KLHL2: variants seen among roughly 807,000 people sequenced by gnomAD.
KLHL2 encodes kelch-like protein 2.
Under a neutral mutation model 75.8 loss-of-function variants are expected in KLHL2, and 15 were observed. That is an observed-to-expected ratio of 0.20 (90% CI 0.13 to 0.30). KLHL2 has a LOEUF of 0.30. Among genes scored for constraint, KLHL2 ranks in the 10% least tolerant of loss-of-function variants. The probability of loss-of-function intolerance (pLI) is 1.00; values close to 1 mark genes in which losing one functional copy is unlikely to be tolerated. For missense variants in KLHL2, 381 were observed against 741.0 expected, an observed-to-expected ratio of 0.51 and a Z score of 5.64; for synonymous variants, 214 against 251.9, an observed-to-expected ratio of 0.85 and a Z score of 1.42.
chr4:165,274,870 T>C (rs2126367030), intron 5 of KLHL2, among the ~76,000 whole-genome samples: 1 of 152,186 alleles, frequency 6.6e-6, no homozygotes, highest in Non-Finnish European at 1.5e-5. Context: ...AATGGGTAGG[T>C]TAGAGAGTGA....
At chr4:165,221,727 G>GA (rs976850150) in intron 2 of KLHL2, among the ~76,000 whole-genome samples, 1 of 152,146 alleles carries the variant, frequency 6.6e-6, no homozygotes, top group Non-Finnish European at 1.5e-5. Flanking sequence ...CTGAATATTG[G>GA]ATCATTTAAT....
intron 10 of KLHL2, 61 bp from the exon 11 acceptor site, chr4:165,311,403 T>C: frequency 1.7e-6 from 2 of 1,176,718 alleles, no homozygotes; most frequent in Non-Finnish European, 2.5e-6. Context: ...TATTTTTCCA[T>C]ATATATGAAC....
At chr4:165,306,988 G>GTA (rs1175646304) in intron 9 of KLHL2, among the ~76,000 whole-genome samples, 7 of 152,172 alleles carry the variant, frequency 4.6e-5, no homozygotes, top group Non-Finnish European at 1.0e-4. Flanking sequence ...GTGAGTGTGT[G>GTA]TATACACACA....
chr4:165,215,641 C>A (rs1312793308), intron 1 of KLHL2, among the ~76,000 whole-genome samples: 1 of 152,000 alleles, frequency 6.6e-6, no homozygotes, highest in African/African-American at 2.4e-5. Flanking sequence ...CACCCAAGGG[C>A]CAAGTATTTA....
chr4:165,300,280 A>T (rs143590573), intron 8 of KLHL2, among the ~76,000 whole-genome samples: 72 of 151,622 alleles, frequency 4.7e-4, no homozygotes, highest in African/African-American at 1.5e-3. Context: ...ACAATGTGAC[A>T]GGCTCTGTCT....
chr4:165,229,063 C>G (rs965991477), intron 3 of KLHL2, 150 bp downstream of exon 3: 2 of 577,510 alleles, frequency 3.5e-6, no homozygotes, highest in Non-Finnish European at 6.3e-6. Context: ...CAAATTCCTC[C>G]TCGTCTTTGT....
At chr4:165,303,307 A>T (rs1745471500) in intron 8 of KLHL2, among the ~76,000 whole-genome samples, 1 of 152,184 alleles carries the variant, frequency 6.6e-6, no homozygotes, top group Admixed American at 6.5e-5. Flanking sequence ...TCTATAACTC[A>T]GTGTTATTTA....
intron 4 of KLHL2, among the ~76,000 whole-genome samples, chr4:165,262,543 C>T (rs1466736861): frequency 2.0e-5 from 3 of 152,096 alleles, no homozygotes; most frequent in South Asian, 2.1e-4. Flanking sequence ...CATAGCACCC[C>T]CTAGCATCCT....
intron 5 of KLHL2, among the ~76,000 whole-genome samples, chr4:165,270,400 T>A (rs1742594045): frequency 6.6e-6 from 1 of 152,192 alleles, no homozygotes; most frequent in Non-Finnish European, 1.5e-5. Flanking sequence ...GGAGAAGAGA[T>A]GCTCTGGTTT....
Position 165,299,618 on chromosome 4 carries a change from G to T in KLHL2, c.883G>T (p.Val295Phe). 1 of 1,613,310 alleles carries T rather than the reference G, an allele frequency of 6.2e-7. No homozygotes were observed. The highest frequency in any genetic ancestry group is 1.1e-5 in the South Asian group (1 of 90,988). ...AGAGCAGCGTATATTAATGAAGAGT[G>T]TCCGGACCCGGCTGAGGACACCCAT... is the stretch of plus-strand genomic sequence containing the variant. ...PTEQRILMKSVRTRLRTPMNL... is the reference protein window; with the variant it reads ...PTEQRILMKSFRTRLRTPMNL... The change falls in exon 8 of 15, where the codon GTC becomes TTC. Residue 295 changes from valine to phenylalanine, a missense_variant. Around this residue, in one of 5 missense-constraint regions of KLHL2, gnomAD observed 111 missense variants for 150.1 expected, o/e 0.74. Coordinates refer to ENST00000226725, the MANE Select transcript of KLHL2 (RefSeq NM_007246.4).
intron 3 of KLHL2, among the ~76,000 whole-genome samples, chr4:165,235,926 G>C (rs567585598): frequency 1.3e-5 from 2 of 152,244 alleles, no homozygotes; most frequent in Admixed American, 1.3e-4. Context: ...GGAGGAGAGA[G>C]AGAAGGCTAG....
intron 13 of KLHL2, among the ~76,000 whole-genome samples, chr4:165,316,431 T>G (rs928732264): frequency 6.6e-6 from 1 of 152,196 alleles, no homozygotes; most frequent in Non-Finnish European, 1.5e-5. Flanking sequence ...ATTCTTGCTT[T>G]TAAGTATTTG....
At position 165,310,669 on chromosome 4, in the gene KLHL2, A is replaced by G. The variant is rs1256070853; in HGVS notation, c.1156A>G (p.Met386Val). The G allele has an allele frequency of 6.2e-7, 1 of 1,614,006 alleles. No individual in the cohort carries two copies. The highest frequency in any genetic ancestry group is 8.5e-7 in the Non-Finnish European group (1 of 1,180,006). The stretch of plus-strand genomic sequence containing the variant: ...GGACCAGTGGACCAGCGTTGCTAAC[A>G]TGAGAGACCGGAGAAGCACTTTGGG... ...VKDQWTSVANMRDRRSTLGAA... is the reference protein window; with the variant it reads ...VKDQWTSVANVRDRRSTLGAA... The change falls in exon 10 of 15, where the codon ATG becomes GTG. Residue 386 changes from methionine to valine, a missense_variant. Met to Val is a conservative substitution (Grantham distance 21). Transcript: ENST00000226725.
chr4:165,310,136 G>A (rs1343196484), intron 9 of KLHL2, among the ~76,000 whole-genome samples: 6 of 152,036 alleles, frequency 3.9e-5, no homozygotes, highest in Non-Finnish European at 8.8e-5. Context: ...AGGAGATCAA[G>A]ACCACAGTGA....
intron 9 of KLHL2, among the ~76,000 whole-genome samples, chr4:165,307,177 A>G (rs1745799172): frequency 1.3e-5 from 2 of 152,146 alleles, no homozygotes; most frequent in East Asian, 3.9e-4. Flanking sequence ...GTATGGTGGC[A>G]GGCACCTGTA....
chr4:165,271,204 G>A (rs186014275), intron 5 of KLHL2, among the ~76,000 whole-genome samples: 28 of 151,988 alleles, frequency 1.8e-4, no homozygotes, highest in Non-Finnish European at 3.7e-4. Context: ...ATGGCATTTT[G>A]ATAGGAATTG....
At chr4:165,244,532 A>G (rs1740087928) in intron 4 of KLHL2, among the ~76,000 whole-genome samples, 1 of 152,128 alleles carries the variant, frequency 6.6e-6, no homozygotes, top group Non-Finnish European at 1.5e-5. Context: ...TTAGGTGGAG[A>G]TTTGTTTTAA....
chr4:165,314,271 C>A, intron 13 of KLHL2, 105 bp downstream of exon 13: 1 of 1,099,766 alleles, frequency 9.1e-7, no homozygotes. Context: ...TGTTCTTTTA[C>A]TGATCTGGGT....
intron 4 of KLHL2, among the ~76,000 whole-genome samples, chr4:165,257,887 A>G (rs1741311779): frequency 6.6e-6 from 1 of 151,898 alleles, no homozygotes; most frequent in South Asian, 2.1e-4. Flanking sequence ...CAGTGCTGAC[A>G]GCAGTAGGTG....
Sources: allele counts gnomAD v4.1 joint callset (sites outside exome capture counted in the v4.1 genomes callset), GRCh38; gene constraint gnomAD v4.1.1; regional missense constraint gnomAD v4.1.1; transcripts MANE v1.5; gene names NCBI Gene and HGNC (gene_info 2026-07-23, HGNC 2026-07-21).